PSD3: variants seen among roughly 807,000 people sequenced by gnomAD.
PSD3 encodes PH and SEC7 domain-containing protein 3.
PSD3 carries 49 observed loss-of-function variants against 105.5 expected under a neutral mutation model. The ratio of observed to expected loss-of-function variants is 0.46; its 90% confidence interval spans 0.37 to 0.59. PSD3 has a LOEUF of 0.59. Ranked by LOEUF, PSD3 falls within the 20% of genes least tolerant of loss-of-function variation. PSD3 has a pLI of 0.00. For synonymous variants in PSD3, 557 were observed against 457.8 expected, an observed-to-expected ratio of 1.22 and a Z score of -2.77; for missense variants, 1,561 against 1,263.8, an observed-to-expected ratio of 1.24 and a Z score of -3.57.
At chr8:19,073,759 T>C (rs570930415) in intron 1 of PSD3, among the ~76,000 whole-genome samples, 28 of 151,706 alleles carry the variant, frequency 1.8e-4, no homozygotes, top group African/African-American at 6.5e-4. Context: ...CCTGCTCTGA[T>C]TTGCTATTCA....
In PSD3 at chr8:18,583,607, T is replaced by C. The variant is rs372528126; in HGVS notation, c.2482-8322A>G. The stretch of plus-strand genomic sequence containing the variant: ...TCACATCTAAGTATCCATACACGTT[T>C]GTCTCTGAGTTCCCTTATATGACTA... On this transcript the variant is annotated intron_variant, in intron 12 of 15. Coordinates refer to ENST00000327040, the MANE Select transcript of PSD3 (RefSeq NM_015310.4). 2.6e-3 allele frequency among the ~76,000 whole-genome samples: 392 copies of C among 152,294 alleles called. 1 individual carries two copies. Among genetic ancestry groups the C allele is most frequent in the African/African-American group, 9.1e-3 (378 of 41,566 alleles).
At chr8:18,677,956 G>A (rs1800158611) in intron 9 of PSD3, among the ~76,000 whole-genome samples, 2 of 149,816 alleles carry the variant, frequency 1.3e-5, no homozygotes, top group Admixed American at 6.7e-5. Context: ...CTTGCAGTGA[G>A]CCGAGATCAG....
intron 13 of PSD3, 151 bp from the exon 14 acceptor site, chr8:18,572,823 G>A: frequency 5.9e-6 from 5 of 851,464 alleles, no homozygotes; most frequent in Non-Finnish European, 9.1e-6. Flanking sequence ...CATTAGAGAT[G>A]AACATTGTCA....
chr8:18,582,816 C>CTT (rs71217386), intron 12 of PSD3, among the ~76,000 whole-genome samples: 1,366 of 125,238 alleles, frequency 0.011, 169 homozygotes, highest in African/African-American at 0.032. Context: ...CCACACTGAT[C>CTT]TTTTTTTTTT....
chr8:18,650,994 C>T (rs1033383208), intron 10 of PSD3, among the ~76,000 whole-genome samples: 1 of 152,182 alleles, frequency 6.6e-6, no homozygotes, highest in Non-Finnish European at 1.5e-5. Flanking sequence ...CACTTCTTGA[C>T]TTAATTTTCC....
intron 2 of PSD3, among the ~76,000 whole-genome samples, chr8:18,884,180 T>C (rs1195341783): frequency 6.6e-6 from 1 of 151,402 alleles, no homozygotes; most frequent in Admixed American, 6.6e-5. Flanking sequence ...ACAAAACAAA[T>C]ATAAAGAGCA....
At chr8:18,920,126 C>T (rs1439004350) in intron 2 of PSD3, among the ~76,000 whole-genome samples, 2 of 151,364 alleles carry the variant, frequency 1.3e-5, no homozygotes, top group Non-Finnish European at 2.9e-5. Context: ...ATGATCATTT[C>T]CAAAACTTCT....
upstream of PSD3, among the ~76,000 whole-genome samples, chr8:19,018,589 T>C (rs1248506303): frequency 6.6e-6 from 1 of 152,210 alleles, no homozygotes; most frequent in Non-Finnish European, 1.5e-5. Flanking sequence ...TGTAGATGTG[T>C]GTGTACATGA....
intron 1 of PSD3, among the ~76,000 whole-genome samples, chr8:19,034,519 C>T (rs530596330): frequency 8.5e-5 from 13 of 152,128 alleles, no homozygotes; most frequent in Non-Finnish European, 1.9e-4. Flanking sequence ...CATTTAACAT[C>T]CTTTTAAAGA....
rs11784454 is a variant in PSD3 at position 18,566,762 on chromosome 8, T to A, written c.2784+5766A>T. ...TTACCTTCTTATTTAAAATCTTCAA[T>A]CCCTAATTGTGATTATACTACATAT... On this transcript the variant is annotated intron_variant, in intron 14 of 15. Transcript: ENST00000327040. Among the ~76,000 whole-genome samples, 269 of 152,278 alleles carry A rather than the reference T, an allele frequency of 1.8e-3. 2 individuals carry two copies. In the Middle Eastern group the frequency reaches 0.02, roughly 12 times the overall value.
At chr8:19,075,871 T>C (rs777380691) in intron 1 of PSD3, among the ~76,000 whole-genome samples, 1 of 152,214 alleles carries the variant, frequency 6.6e-6, no homozygotes, top group Non-Finnish European at 1.5e-5. Context: ...AGAGAAACAT[T>C]TAATAAGTTA....
chr8:18,723,192 T>C (rs530787116), intron 9 of PSD3, among the ~76,000 whole-genome samples: 23 of 152,270 alleles, frequency 1.5e-4, no homozygotes, highest in Middle Eastern at 6.8e-3. Flanking sequence ...CAGGAGCACA[T>C]GAAGGACATG....
chr8:18,868,182 G>A (rs1473360460), intron 3 of PSD3, 113 bp from the exon 4 acceptor site: 17 of 1,188,658 alleles, frequency 1.4e-5, no homozygotes, highest in African/African-American at 3.1e-5. Flanking sequence ...TCTATTCATT[G>A]ACTTATATCT....
intron 1 of PSD3, among the ~76,000 whole-genome samples, chr8:19,071,069 G>A (rs556201771): frequency 2.6e-5 from 4 of 151,338 alleles, no homozygotes; most frequent in South Asian, 2.1e-4. Context: ...TTTTTGGAAG[G>A]GGGTAGGGGG....
chr8:18,907,796 G>T (rs1021412568), intron 2 of PSD3, among the ~76,000 whole-genome samples: 2 of 152,168 alleles, frequency 1.3e-5, no homozygotes, highest in Non-Finnish European at 2.9e-5. Flanking sequence ...TACAACAACA[G>T]ACAAATAACA....
At chr8:18,723,078 GAAAC>G (rs1803110536) in intron 9 of PSD3, among the ~76,000 whole-genome samples, 1 of 152,040 alleles carries the variant, frequency 6.6e-6, no homozygotes, top group Non-Finnish European at 1.5e-5. Context: ...GAAAAACAAA[GAAAC>G]AAACGAACAA....
At chr8:18,988,126 TAC>T (rs1042994427) in intron 1 of PSD3, among the ~76,000 whole-genome samples, 93 of 151,628 alleles carry the variant, frequency 6.1e-4, no homozygotes, top group South Asian at 2.5e-3. Flanking sequence ...TATATATATA[TAC>T]ACATGAATAA....
intron 1 of PSD3, among the ~76,000 whole-genome samples, chr8:18,970,267 G>A (rs1275657110): frequency 7.2e-6 from 1 of 138,198 alleles, no homozygotes; most frequent in Non-Finnish European, 1.5e-5. Flanking sequence ...GGAGCTTGCA[G>A]TGAGCCGAGA....
chr8:18,749,394 A>G (rs74977949), intron 9 of PSD3, among the ~76,000 whole-genome samples: 3,432 of 152,282 alleles, frequency 0.023, 211 homozygotes, highest in East Asian at 0.19. Context: ...GTTGAAAGTC[A>G]TTTCTCTTTA....
Sources: allele counts gnomAD v4.1 joint callset (sites outside exome capture counted in the v4.1 genomes callset), GRCh38; gene constraint gnomAD v4.1.1; transcripts MANE v1.5; gene names NCBI Gene and HGNC (gene_info 2026-07-23, HGNC 2026-07-21).